NKAIN2: variants seen among roughly 807,000 people sequenced by gnomAD.
NKAIN2 encodes sodium/potassium transporting ATPase interacting 2, also known as sodium/potassium-transporting ATPase subunit beta-1-interacting protein 2.
NKAIN2 carries 14 observed loss-of-function variants against 32.6 expected under a neutral mutation model. The ratio of observed to expected loss-of-function variants is 0.43; its 90% CI spans 0.28 to 0.67. NKAIN2 has a LOEUF of 0.67. NKAIN2 is among the 30% of genes least tolerant of loss of function. The probability of loss-of-function intolerance (pLI) is 0.17; values close to 1 mark genes in which losing one functional copy is unlikely to be tolerated. For missense variants in NKAIN2, 198 were observed against 258.3 expected (o/e 0.77, Z 1.60); for synonymous variants, 80 against 87.2 (o/e 0.92, Z 0.46).
At chr6:123,850,164 G>T (rs1453683750) in intron 1 of NKAIN2, among the ~76,000 whole-genome samples, 1 of 150,892 alleles carries the variant, frequency 6.6e-6, no homozygotes, top group African/African-American at 2.4e-5. Flanking sequence ...AATCCTTTGG[G>T]ATGTGATCAG....
intron 1 of NKAIN2, among the ~76,000 whole-genome samples, chr6:123,860,945 G>A (rs1775764923): frequency 6.6e-6 from 1 of 152,028 alleles, no homozygotes; most frequent in Admixed American, 6.6e-5. Flanking sequence ...GTGTGCCCAG[G>A]TATCTTCCCA....
At chr6:124,274,901 CACAT>C (rs1794958270) in intron 1 of NKAIN2, among the ~76,000 whole-genome samples, 1 of 152,056 alleles carries the variant, frequency 6.6e-6, no homozygotes, top group Admixed American at 6.5e-5. Context: ...CACACACACT[CACAT>C]ACACATTTAT....
intron 1 of NKAIN2, among the ~76,000 whole-genome samples, chr6:124,170,333 G>A (rs1016178493): frequency 1.3e-5 from 2 of 152,072 alleles, no homozygotes; most frequent in Non-Finnish European, 2.9e-5. Flanking sequence ...TTGGCATATT[G>A]TACGTATTCC....
chr6:124,642,245 G>A (rs1339862370), intron 3 of NKAIN2, among the ~76,000 whole-genome samples: 1 of 152,028 alleles, frequency 6.6e-6, no homozygotes, highest in Non-Finnish European at 1.5e-5. Flanking sequence ...TGTAATTTTG[G>A]TTATCTTCTC....
chr6:124,479,917 A>G (rs1195587845), intron 3 of NKAIN2, among the ~76,000 whole-genome samples: 4 of 152,210 alleles, frequency 2.6e-5, no homozygotes, highest in African/African-American at 9.6e-5. Context: ...GCATTAAAAA[A>G]CAAAGACAAA....
chr6:124,674,774 G>T (rs1472253614), intron 4 of NKAIN2, among the ~76,000 whole-genome samples: 2 of 151,766 alleles, frequency 1.3e-5, no homozygotes, highest in Non-Finnish European at 2.9e-5. Flanking sequence ...TTTGATATGG[G>T]TTTTACAGAT....
chr6:124,793,718 T>C (rs1170804059), intron 5 of NKAIN2, among the ~76,000 whole-genome samples: 1 of 151,976 alleles, frequency 6.6e-6, no homozygotes, highest in African/African-American at 2.4e-5. Flanking sequence ...CAAGTAAGTT[T>C]GACACTGAAA....
intron 4 of NKAIN2, among the ~76,000 whole-genome samples, chr6:124,777,078 G>C (rs1779011868): frequency 6.6e-6 from 1 of 152,062 alleles, no homozygotes; most frequent in South Asian, 2.1e-4. Flanking sequence ...CATGTGATCA[G>C]ATTTTTTAGT....
intron 3 of NKAIN2, among the ~76,000 whole-genome samples, chr6:124,626,883 C>G (rs1006240244): frequency 3.3e-5 from 5 of 152,130 alleles, no homozygotes; most frequent in Non-Finnish European, 7.4e-5. Flanking sequence ...GAGAATGAAG[C>G]CCCTTTTTTG....
chr6:123,808,733 G>A (rs114250369), intron 1 of NKAIN2, among the ~76,000 whole-genome samples: 3 of 152,194 alleles, frequency 2.0e-5, no homozygotes, highest in Non-Finnish European at 4.4e-5. Context: ...CATGGGGCCC[G>A]TATGTGGGTA....
intron 3 of NKAIN2, among the ~76,000 whole-genome samples, chr6:124,627,970 A>G (rs532474517): frequency 1.2e-4 from 19 of 152,124 alleles, no homozygotes; most frequent in African/African-American, 3.8e-4. Context: ...ACAAACTCAC[A>G]TGCATTTTTC....
chr6:124,161,708 C>A (rs1015046487), intron 1 of NKAIN2, among the ~76,000 whole-genome samples: 2 of 151,954 alleles, frequency 1.3e-5, no homozygotes, highest in Non-Finnish European at 2.9e-5. Context: ...TTATTTGATA[C>A]CACATGTTCT....
intron 1 of NKAIN2, among the ~76,000 whole-genome samples, chr6:123,954,549 G>A (rs1384955731): frequency 6.6e-6 from 1 of 152,194 alleles, no homozygotes; most frequent in African/African-American, 2.4e-5. Flanking sequence ...TTTTCTCTTA[G>A]ATGATTGTAT....
chr6:124,816,078 GCC>G (rs1781150014), intron 5 of NKAIN2, among the ~76,000 whole-genome samples: 1 of 152,110 alleles, frequency 6.6e-6, no homozygotes, highest in South Asian at 2.1e-4. Flanking sequence ...GAGACATTCT[GCC>G]TTGGTAAAAG....
At chr6:124,324,490 T>G (rs1797336904) in intron 2 of NKAIN2, among the ~76,000 whole-genome samples, 1 of 152,180 alleles carries the variant, frequency 6.6e-6, no homozygotes, top group African/African-American at 2.4e-5. Context: ...TGTGAATTTC[T>G]TCTGAATTCA....
chr6:124,234,964 G>A (rs575443841), intron 1 of NKAIN2, among the ~76,000 whole-genome samples: 1 of 152,178 alleles, frequency 6.6e-6, no homozygotes, highest in Non-Finnish European at 1.5e-5. Context: ...ACTTAATAAG[G>A]TATAGTTGTA....
intron 1 of NKAIN2, among the ~76,000 whole-genome samples, chr6:124,190,836 T>C (rs534243112): frequency 7.2e-5 from 11 of 152,320 alleles, no homozygotes; most frequent in African/African-American, 2.2e-4. Context: ...GGTCTATTTT[T>C]TGAATTCTTT....
At chr6:123,872,942 A>G (rs9375288) in intron 1 of NKAIN2, among the ~76,000 whole-genome samples, 5,404 of 152,288 alleles carry the variant, frequency 0.035, 129 homozygotes, top group East Asian at 0.11. Flanking sequence ...CACACGTTTT[A>G]AGAACACCCT....
intron 4 of NKAIN2, among the ~76,000 whole-genome samples, chr6:124,709,532 A>G (rs1435203378): frequency 6.6e-6 from 1 of 151,018 alleles, no homozygotes; most frequent in African/African-American, 2.4e-5. Context: ...TTATTGGTCT[A>G]TTCAGAGATT....
Sources: gnomAD v4.1 joint callset for allele counts (sites outside exome capture counted in the v4.1 genomes callset) on GRCh38, gnomAD v4.1.1 for gene constraint, MANE v1.5 for transcripts, NCBI Gene and HGNC (gene_info 2026-07-23, HGNC 2026-07-21) for gene names.